Variants in TTLL7 observed in about 807,000 individuals in gnomAD.
TTLL7 encodes the protein tubulin polyglutamylase TTLL7.
TTLL7 carries 53 observed loss-of-function variants against 120.2 expected under a neutral mutation model. The ratio of observed to expected loss-of-function variants is 0.44; its 90% CI spans 0.35 to 0.55. TTLL7 has a LOEUF of 0.55. Among genes scored for constraint, TTLL7 ranks in the 20% least tolerant of loss-of-function variants. TTLL7 has a pLI of 0.00. For missense variants in TTLL7, 803 were observed against 1,054.7 expected, an observed-to-expected ratio of 0.76 and a Z score of 3.31; for synonymous variants, 353 against 351.7, an observed-to-expected ratio of 1.00 and a Z score of -0.04.
chr1:83,929,157 G>A lies in TTLL7; in HGVS notation c.1121C>T (p.Ala374Val), dbSNP rs1425599487. The A allele has an allele frequency of 1.9e-6, 3 of 1,611,012 alleles. No individual in the cohort carries two copies. The highest frequency in any genetic ancestry group is 1.1e-5 in the South Asian group (1 of 90,824). Reference protein sequence around the residue: ...YDVKRGVLLNALKLLNIRTSD... With the variant: ...YDVKRGVLLNVLKLLNIRTSD... ...TTACCTTATGTTTAGTAGCTTCAAC[G>A]CATTTAGCAGCACTCCCCTTTTTAC... is the stretch of plus-strand genomic sequence containing the variant. Residue 374 changes from alanine (A) to valine (V), a missense_variant, in exon 10 of 21, where the codon GCG becomes GTG. By Grantham distance (64) the Ala-to-Val change is moderately conservative (BLOSUM62 0). Coordinates refer to ENST00000260505, the MANE Select transcript of TTLL7 (RefSeq NM_024686.6).
In TTLL7 at chr1:83,961,766, T is replaced by C. The variant is rs531244155; in HGVS notation, c.-176-9379A>G. On this transcript the variant is annotated intron_variant, in intron 1 of 20. Transcript: ENST00000260505. ...AACATAATATTTCAGTTTTAAGTAG[T>C]TCTCCAGTAGCCTAAAACTCTTATT... Among the ~76,000 whole-genome samples the C allele has an allele frequency of 3.9e-5, 6 of 152,254 alleles. No individual in the cohort carries two copies. In the South Asian group the frequency reaches 1.0e-3, roughly 26 times the overall value.
chr1:83,869,758 C>A lies in TTLL7; in HGVS notation c.*204G>T. The A allele has an allele frequency of 2.9e-6, 1 of 344,570 alleles. No homozygotes were observed. The highest frequency in any genetic ancestry group is 8.6e-5 in the South Asian group (1 of 11,630). 21.3% of individuals were successfully genotyped at this position (344,570 alleles called of 1,614,324 possible). On this transcript the variant is annotated 3_prime_UTR_variant, in exon 21 of 21. Transcript: ENST00000260505. The stretch of plus-strand genomic sequence containing the variant: ...TCCAGAAAGGTTAAGTCTTATATTC[C>A]ATTTTCTGCTAATTCTTCTTTCATA...
chr1:83,951,415 G>A (rs967081379), intron 3 of TTLL7, among the ~76,000 whole-genome samples: 13 of 151,866 alleles, frequency 8.6e-5, no homozygotes, highest in Admixed American at 7.2e-4. Flanking sequence ...ACAAACCCAT[G>A]AGGCTAGGAA....
intron 1 of TTLL7, among the ~76,000 whole-genome samples, chr1:83,995,473 C>T (rs1255482207): frequency 2.0e-5 from 3 of 151,816 alleles, no homozygotes. Context: ...TCTCTTGCTC[C>T]TGCTTTCTGC....
intron 1 of TTLL7, among the ~76,000 whole-genome samples, chr1:83,956,788 C>T (rs1364127444): frequency 1.3e-5 from 2 of 152,174 alleles, no homozygotes; most frequent in Non-Finnish European, 2.9e-5. Context: ...TATTACACTG[C>T]CACTTGAGCA....
chr1:83,874,359 A>G (rs1653716682), intron 20 of TTLL7, among the ~76,000 whole-genome samples: 1 of 151,998 alleles, frequency 6.6e-6, no homozygotes, highest in Middle Eastern at 3.2e-3. Context: ...ACCATATTGT[A>G]TCTCTTCAAC....
chr1:83,976,218 C>T (rs1432593520), intron 1 of TTLL7, among the ~76,000 whole-genome samples: 2 of 152,012 alleles, frequency 1.3e-5, no homozygotes, highest in African/African-American at 4.8e-5. Flanking sequence ...TTCTAACTTA[C>T]ATATACTTAC....
intron 17 of TTLL7, 62 bp from the exon 18 acceptor site, chr1:83,904,221 G>T: frequency 7.7e-7 from 1 of 1,297,024 alleles, no homozygotes; most frequent in Non-Finnish European, 1.1e-6. Flanking sequence ...AAATTAATTT[G>T]TGTAATGAAA....
intron 1 of TTLL7, among the ~76,000 whole-genome samples, chr1:83,970,227 C>T (rs1024777708): frequency 6.6e-6 from 1 of 151,970 alleles, no homozygotes; most frequent in East Asian, 1.9e-4. Flanking sequence ...AGAATATTTG[C>T]TAAACTACCT....
chr1:83,892,916 A>AAAAGAAAAAG (rs1553129407), intron 18 of TTLL7, among the ~76,000 whole-genome samples: 3 of 123,670 alleles, frequency 2.4e-5, no homozygotes, highest in Non-Finnish European at 3.4e-5. Flanking sequence ...AAAAAGAAAA[A>AAAAGAAAAAG]AGAAAGAAAA....
chr1:83,877,360 A>T (rs1179492196), intron 20 of TTLL7, among the ~76,000 whole-genome samples: 3 of 151,978 alleles, frequency 2.0e-5, no homozygotes, highest in African/African-American at 7.2e-5. Flanking sequence ...TGTCTTGGTC[A>T]GGTTTTGGTA....
chr1:83,991,099 G>A (rs1652956187), intron 1 of TTLL7, among the ~76,000 whole-genome samples: 2 of 152,152 alleles, frequency 1.3e-5, no homozygotes, highest in Admixed American at 6.5e-5. Context: ...AGTTACAAAA[G>A]ACAAGTATGT....
chr1:83,987,276 A>T (rs936193596), intron 1 of TTLL7, among the ~76,000 whole-genome samples: 3 of 151,886 alleles, frequency 2.0e-5, no homozygotes, highest in East Asian at 1.9e-4. Flanking sequence ...AAAAAAAATT[A>T]AAAAAATATA....
At chr1:83,997,999 T>C (rs1397197551) in intron 1 of TTLL7, among the ~76,000 whole-genome samples, 1 of 152,260 alleles carries the variant, frequency 6.6e-6, no homozygotes, top group Admixed American at 6.5e-5. Flanking sequence ...TAATTCCTTA[T>C]GCAGAAAGTT....
chr1:83,983,316 C>T (rs1218446009), intron 1 of TTLL7, among the ~76,000 whole-genome samples: 4 of 151,994 alleles, frequency 2.6e-5, no homozygotes, highest in South Asian at 2.1e-4. Context: ...GGTGACAGAA[C>T]GAGACTCTGT....
At chr1:83,893,797 T>A (rs1557573758) in intron 18 of TTLL7, among the ~76,000 whole-genome samples, 1 of 152,026 alleles carries the variant, frequency 6.6e-6, no homozygotes, top group Non-Finnish European at 1.5e-5. Flanking sequence ...CTTCCTGCAC[T>A]GTGATGGGGG....
At chr1:83,976,560 C>T (rs2100587699) in intron 1 of TTLL7, among the ~76,000 whole-genome samples, 1 of 152,002 alleles carries the variant, frequency 6.6e-6, no homozygotes, top group East Asian at 1.9e-4. Context: ...CTGCATCTTT[C>T]ATCTTTTTAA....
chr1:83,886,576 T>C (rs761110553), intron 19 of TTLL7, among the ~76,000 whole-genome samples: 5 of 152,006 alleles, frequency 3.3e-5, no homozygotes, highest in Non-Finnish European at 7.4e-5. Context: ...CTTAGAATAT[T>C]CCTTAAAATT....
intron 1 of TTLL7, among the ~76,000 whole-genome samples, chr1:83,962,480 TTAAA>T (rs1284453291): frequency 1.1e-4 from 16 of 152,150 alleles, no homozygotes; most frequent in Non-Finnish European, 2.1e-4. Context: ...CACTGAATTC[TTAAA>T]TAAACCTCCT....
Sources: allele counts gnomAD v4.1 joint callset (sites outside exome capture counted in the v4.1 genomes callset), GRCh38; gene constraint gnomAD v4.1.1; transcripts MANE v1.5; gene names NCBI Gene and HGNC (gene_info 2026-07-23, HGNC 2026-07-21).